Variants in ANKRD44 observed in about 807,000 individuals in gnomAD.
The protein encoded by ANKRD44 is serine/threonine-protein phosphatase 6 regulatory ankyrin repeat subunit B.
Under a neutral mutation model 116.0 loss-of-function variants are expected in ANKRD44, and 35 were observed. The observed-to-expected ratio is 0.30, with a 90% confidence interval of 0.23 to 0.40. The LOEUF is 0.40. Ranked by LOEUF, ANKRD44 falls within the 10% of genes least tolerant of loss-of-function variation. The probability of loss-of-function intolerance (pLI) is 1.00; values close to 1 mark genes in which losing one functional copy is unlikely to be tolerated. For missense variants in ANKRD44, 1,014 were observed against 1,242.6 expected (o/e 0.82, Z 2.77); for synonymous variants, 435 against 461.8 (o/e 0.94, Z 0.74).
At chr2:197,309,853 C>G (rs931149900) in intron 1 of ANKRD44, among the ~76,000 whole-genome samples, 1 of 152,202 alleles carries the variant, frequency 6.6e-6, no homozygotes, top group Non-Finnish European at 1.5e-5. Flanking sequence ...AATAACCCCA[C>G]CTCTCCAAGC....
At chr2:197,305,611 G>C (rs1009986297) in intron 1 of ANKRD44, among the ~76,000 whole-genome samples, 3 of 149,362 alleles carry the variant, frequency 2.0e-5, no homozygotes, top group South Asian at 2.1e-4. Flanking sequence ...TCTTAAAAAA[G>C]AAAGAAAGAA....
chr2:197,286,454 A>G (rs1318581040), intron 1 of ANKRD44, among the ~76,000 whole-genome samples: 7 of 151,148 alleles, frequency 4.6e-5, no homozygotes, highest in Admixed American at 1.3e-4. Flanking sequence ...ATCTCACTGC[A>G]GCCTCAATCT....
At chr2:197,284,294 C>T (rs773347952) in intron 1 of ANKRD44, among the ~76,000 whole-genome samples, 2 of 152,168 alleles carry the variant, frequency 1.3e-5, no homozygotes, top group Non-Finnish European at 2.9e-5. Context: ...GTATTCGCTG[C>T]ATTCCCTATC....
At chr2:197,197,702 C>T (rs973593389) in intron 1 of ANKRD44, among the ~76,000 whole-genome samples, 4 of 150,238 alleles carry the variant, frequency 2.7e-5, no homozygotes, top group Non-Finnish European at 4.4e-5. Context: ...CCCAGCGACT[C>T]GGGAGGCTGA....
At chr2:197,141,884 A>T (rs1161282314) in intron 3 of ANKRD44, among the ~76,000 whole-genome samples, 3 of 152,192 alleles carry the variant, frequency 2.0e-5, no homozygotes, top group Admixed American at 1.3e-4. Flanking sequence ...GGGAGATGTC[A>T]GATGGTTTTG....
In ANKRD44 at chr2:196,989,366, A is replaced by G. The variant is rs1221040315; in HGVS notation, c.*225T>C. The G allele has an allele frequency of 8.1e-6, 9 of 1,108,704 alleles. No homozygotes were observed. The East Asian group carries it at 2.0e-4, about 24-fold the overall frequency. 68.7% of individuals were successfully genotyped at this position (1,108,704 alleles called of 1,614,324 possible). ...TGTGTCCTAAGAAATATAAAATACA[A>G]CAAAGACTGGTACACAGAAAGATTA... On this transcript the variant is annotated 3_prime_UTR_variant, in exon 28 of 28. Transcript: ENST00000282272.
At chr2:197,162,526 C>T (rs1016145660) in intron 2 of ANKRD44, among the ~76,000 whole-genome samples, 3 of 152,192 alleles carry the variant, frequency 2.0e-5, no homozygotes, top group Non-Finnish European at 4.4e-5. Flanking sequence ...CGGCACAAAA[C>T]AACTCCCTCT....
intron 10 of ANKRD44, among the ~76,000 whole-genome samples, chr2:197,098,536 G>A (rs531001061): frequency 4.6e-5 from 7 of 152,214 alleles, no homozygotes; most frequent in Admixed American, 4.6e-4. Context: ...TCTGATCAAG[G>A]CTAAACTCTT....
intron 12 of ANKRD44, among the ~76,000 whole-genome samples, chr2:197,087,509 T>A (rs899963726): frequency 6.6e-6 from 1 of 152,212 alleles, no homozygotes; most frequent in African/African-American, 2.4e-5. Context: ...AATGTGAGCA[T>A]ACAAAAGAGA....
intron 1 of ANKRD44, among the ~76,000 whole-genome samples, chr2:197,269,878 T>C (rs924390542): frequency 2.6e-5 from 4 of 152,062 alleles, no homozygotes; most frequent in African/African-American, 9.7e-5. Context: ...CAGAGAAGAC[T>C]GAGGAGAGAC....
intron 1 of ANKRD44, among the ~76,000 whole-genome samples, chr2:197,222,428 C>T (rs1417127368): frequency 6.6e-6 from 1 of 152,176 alleles, no homozygotes; most frequent in Non-Finnish European, 1.5e-5. Flanking sequence ...TTATTTAAGC[C>T]TTCAGATCCC....
At chr2:197,244,763 T>G (rs1311056924) in intron 1 of ANKRD44, among the ~76,000 whole-genome samples, 1 of 152,224 alleles carries the variant, frequency 6.6e-6, no homozygotes, top group Non-Finnish European at 1.5e-5. Context: ...CAAGCAGTGA[T>G]GCTAATTTTC....
At chr2:197,245,677 C>A (rs944169189) in intron 1 of ANKRD44, among the ~76,000 whole-genome samples, 1 of 152,138 alleles carries the variant, frequency 6.6e-6, no homozygotes, top group Admixed American at 6.5e-5. Context: ...AACAGTGGTA[C>A]AAACTGCCTG....
chr2:197,169,559 C>G (rs576043124), intron 2 of ANKRD44, among the ~76,000 whole-genome samples: 18 of 152,270 alleles, frequency 1.2e-4, no homozygotes, highest in South Asian at 6.2e-4. Flanking sequence ...TTGTGATACC[C>G]TACTCCACTC....
intron 21 of ANKRD44, among the ~76,000 whole-genome samples, chr2:196,980,008 A>T (rs745815898): frequency 1.3e-5 from 2 of 152,182 alleles, no homozygotes; most frequent in Non-Finnish European, 2.9e-5. Context: ...ATTAATATAC[A>T]CTAGAAAATA....
intron 16 of ANKRD44, among the ~76,000 whole-genome samples, chr2:197,065,750 G>A (rs1199282609): frequency 1.3e-5 from 2 of 152,068 alleles, no homozygotes; most frequent in East Asian, 1.9e-4. Flanking sequence ...ACTAAACCAG[G>A]AAGAAGTTGA....
chr2:197,078,401 C>T, intron 16 of ANKRD44: 1 of 528,808 alleles, frequency 1.9e-6, no homozygotes, highest in Non-Finnish European at 3.0e-6. Context: ...AGGTCTATAC[C>T]AACTTCCATG....
intron 2 of ANKRD44, among the ~76,000 whole-genome samples, chr2:197,174,895 C>T (rs2080328726): frequency 6.6e-6 from 1 of 152,066 alleles, no homozygotes; most frequent in African/African-American, 2.4e-5. Flanking sequence ...GGAGGTGTCC[C>T]AGATAAGGAG....
intron 21 of ANKRD44, among the ~76,000 whole-genome samples, chr2:197,004,785 A>G (rs1311412078): frequency 1.3e-5 from 2 of 152,164 alleles, no homozygotes; most frequent in Non-Finnish European, 2.9e-5. Context: ...GAGAGAATTT[A>G]TGGTACCATA....
Sources: allele counts gnomAD v4.1 joint callset (sites outside exome capture counted in the v4.1 genomes callset), GRCh38; gene constraint gnomAD v4.1.1; transcripts MANE v1.5; gene names NCBI Gene and HGNC (gene_info 2026-07-23, HGNC 2026-07-21).